The following PDE3B variants were observed in gnomAD, a reference collection of about 807,000 sequenced individuals.
PDE3B encodes phosphodiesterase 3B.
A neutral mutation model predicts 116.8 loss-of-function variants in PDE3B; 66 were observed. The observed-to-expected ratio is 0.56, with a 90% CI of 0.46 to 0.69. PDE3B has a LOEUF of 0.69. Among genes scored for constraint, PDE3B ranks in the 30% least tolerant of loss-of-function variants. The pLI, the probability that PDE3B is intolerant of heterozygous loss-of-function variation, is 0.00. For synonymous variants in PDE3B, 595 were observed against 533.6 expected (o/e 1.12, Z -1.59); for missense variants, 1,384 against 1,368.1 (o/e 1.01, Z -0.18).
intron 1 of PDE3B, among the ~76,000 whole-genome samples, chr11:14,687,953 G>A (rs1196079381): frequency 1.3e-5 from 2 of 151,930 alleles, no homozygotes; most frequent in Non-Finnish European, 2.9e-5. Flanking sequence ...ATTCAGAAAG[G>A]TTCTGAAAAC....
chr11:14,741,435 C>G (rs957271900), intron 1 of PDE3B, among the ~76,000 whole-genome samples: 16 of 151,398 alleles, frequency 1.1e-4, no homozygotes, highest in African/African-American at 3.2e-4. Context: ...TTTTTGCTTT[C>G]CATTTGCTTG....
downstream of PDE3B, among the ~76,000 whole-genome samples, chr11:14,875,209 G>A (rs782509680): frequency 1.3e-5 from 2 of 151,990 alleles, no homozygotes; most frequent in East Asian, 1.9e-4. Context: ...CTTATGTACC[G>A]ATTTTCTCCA....
intron 1 of PDE3B, among the ~76,000 whole-genome samples, chr11:14,652,605 A>G (rs181435966): frequency 6.6e-6 from 1 of 152,304 alleles, no homozygotes; most frequent in African/African-American, 2.4e-5. Flanking sequence ...AGTGGTGTTA[A>G]GTATATTCAC....
rs1859402605 is a variant in PDE3B, at chr11:14,818,465, A to G, written c.1733+72A>G. On this transcript the variant is annotated intron_variant, in intron 6 of 15. Coordinates refer to ENST00000282096, the MANE Select transcript of PDE3B (RefSeq NM_000922.4). ...CAGTTAAGTCCTCAACATTTTGGAT[A>G]GGTTCTTGGAAACTCCAGCTTTAAG... 3.0e-6 allele frequency: 3 copies of G among 991,962 alleles called. No homozygotes were observed. In the East Asian group the frequency reaches 7.4e-5, roughly 25 times the overall value. 61.4% of individuals were successfully genotyped at this position (991,962 alleles called of 1,614,324 possible). A position where few individuals can be genotyped will look rare whatever the true frequency, so the allele number is the denominator to read the frequency against.
chr11:14,651,104 T>G (rs1359335201), intron 1 of PDE3B, among the ~76,000 whole-genome samples: 1 of 152,152 alleles, frequency 6.6e-6, no homozygotes, highest in Non-Finnish European at 1.5e-5. Flanking sequence ...AAGATCAAGT[T>G]ATCTCCAGGG....
At chr11:14,759,052 T>G (rs1040966282) in intron 1 of PDE3B, among the ~76,000 whole-genome samples, 3 of 152,100 alleles carry the variant, frequency 2.0e-5, no homozygotes, top group African/African-American at 4.8e-5. Flanking sequence ...TTGGCTCTGT[T>G]TATATGCTGG....
chr11:14,731,233 A>G (rs974321214), intron 1 of PDE3B, among the ~76,000 whole-genome samples: 5 of 151,032 alleles, frequency 3.3e-5, no homozygotes, highest in African/African-American at 9.7e-5. Flanking sequence ...AATATGTTAA[A>G]GTTTTAAAGC....
chr11:14,690,515 T>G (rs1170898580), intron 1 of PDE3B, among the ~76,000 whole-genome samples: 1 of 152,106 alleles, frequency 6.6e-6, no homozygotes, highest in Non-Finnish European at 1.5e-5. Context: ...TATTGTTATT[T>G]TTTCTGGATT....
chr11:14,851,600 C>T (rs1847756133), intron 12 of PDE3B, among the ~76,000 whole-genome samples: 1 of 151,760 alleles, frequency 6.6e-6, no homozygotes, highest in South Asian at 2.1e-4. Context: ...CTCATGATTT[C>T]CAGAGGTAAC....
intron 12 of PDE3B, among the ~76,000 whole-genome samples, chr11:14,853,476 G>A (rs1040712137): frequency 1.3e-5 from 2 of 152,290 alleles, no homozygotes; most frequent in Non-Finnish European, 2.9e-5. Flanking sequence ...CCAAAGTAAC[G>A]AAGTTTATGA....
chr11:14,732,106 A>G (rs1458891953), intron 1 of PDE3B, among the ~76,000 whole-genome samples: 1 of 152,180 alleles, frequency 6.6e-6, no homozygotes, highest in Non-Finnish European at 1.5e-5. Context: ...TTGGAGAAGA[A>G]CATTATAGGT....
rs771321012 is a variant in PDE3B at position 14,786,547 on chromosome 11, A to G, written c.1140A>G (p.Leu380=). The G allele has an allele frequency of 1.2e-6, 2 of 1,613,264 alleles. No individual in the cohort carries two copies. The highest frequency in any genetic ancestry group is 4.5e-5 in the East Asian group (2 of 44,852). ...PSLPPQVISS[L]RSISSLMGAF... ...TTCCACCACAAGTCATTTCCTCTCTACGGAGTATTAGTAGCTTAATGGGTG... is the reference window on the plus strand; with the variant it reads ...TTCCACCACAAGTCATTTCCTCTCTGCGGAGTATTAGTAGCTTAATGGGTG... The change falls in exon 3 of 16, where the codon CTA becomes CTG. Residue 380 remains leucine, a synonymous_variant. Coordinates refer to ENST00000282096, the MANE Select transcript of PDE3B (RefSeq NM_000922.4).
chr11:14,673,055 A>G (rs565940174), intron 1 of PDE3B, among the ~76,000 whole-genome samples: 3 of 152,242 alleles, frequency 2.0e-5, no homozygotes, highest in East Asian at 1.9e-4. Flanking sequence ...TTAGACACAA[A>G]TACAAAAACC....
At chr11:14,678,652 T>TATA (rs1854602886) in intron 1 of PDE3B, among the ~76,000 whole-genome samples, 2 of 152,318 alleles carry the variant, frequency 1.3e-5, no homozygotes, top group South Asian at 4.1e-4. Flanking sequence ...GTTAAGTGGA[T>TATA]ATAAGTCTTT....
intron 1 of PDE3B, among the ~76,000 whole-genome samples, chr11:14,681,499 A>G (rs896497715): frequency 6.6e-6 from 1 of 152,116 alleles, no homozygotes; most frequent in Non-Finnish European, 1.5e-5. Context: ...CTTCCCTGCC[A>G]TGTGGAACTG....
intron 12 of PDE3B, among the ~76,000 whole-genome samples, chr11:14,853,155 G>A (rs1403097163): frequency 6.6e-6 from 1 of 151,660 alleles, no homozygotes; most frequent in African/African-American, 2.4e-5. Context: ...TACGCATTTT[G>A]TCACCTCCTT....
chr11:14,811,448 C>G (rs547012872), intron 5 of PDE3B, among the ~76,000 whole-genome samples: 21 of 152,242 alleles, frequency 1.4e-4, no homozygotes, highest in Non-Finnish European at 2.4e-4. Context: ...GCTTGTTTTT[C>G]TCAGGTTTGT....
At chr11:14,842,537 CAT>C (rs1847497990) in intron 11 of PDE3B, among the ~76,000 whole-genome samples, 1 of 152,080 alleles carries the variant, frequency 6.6e-6, no homozygotes, top group Admixed American at 6.5e-5. Context: ...TATCATTATG[CAT>C]ATAATTTAAC....
chr11:14,739,415 G>A (rs539447285), intron 1 of PDE3B, among the ~76,000 whole-genome samples: 1 of 152,150 alleles, frequency 6.6e-6, no homozygotes, highest in African/African-American at 2.4e-5. Context: ...GCCTCTTATT[G>A]GTATATAGGA....
Sources: gnomAD v4.1 joint callset for allele counts (sites outside exome capture counted in the v4.1 genomes callset) on GRCh38, gnomAD v4.1.1 for gene constraint, MANE v1.5 for transcripts, NCBI Gene and HGNC (gene_info 2026-07-23, HGNC 2026-07-21) for gene names.